The following DACH2 variants were observed in gnomAD, a reference collection of about 807,000 sequenced individuals.
DACH2 encodes the protein dachshund homolog 2.
Under a neutral mutation model 35.8 loss-of-function variants are expected in DACH2, and 17 were observed. That is an observed-to-expected ratio of 0.48 (90% CI 0.33 to 0.71). The LOEUF (loss-of-function observed/expected upper bound fraction) is 0.71. Ranked by LOEUF, DACH2 falls within the 30% of genes least tolerant of loss-of-function variation. The pLI is 0.02. For missense variants in DACH2, 469 were observed against 472.7 expected (o/e 0.99, Z 0.07); for synonymous variants, 195 against 177.3 (o/e 1.10, Z -0.79).
chrX:86,161,820 A>G (rs2030768273), intron 1 of DACH2, among the ~76,000 whole-genome samples: 1 of 111,878 alleles, frequency 8.9e-6, no homozygotes, highest in Non-Finnish European at 1.9e-5. Context: ...TAGAGGACTG[A>G]CAGGTTTTTG....
intron 2 of DACH2, among the ~76,000 whole-genome samples, chrX:86,450,932 A>G (rs2037366280): frequency 9.0e-6 from 1 of 110,808 alleles, no homozygotes; most frequent in Admixed American, 9.7e-5. Context: ...TTTCTTGTAA[A>G]TAATTTGTTT....
intron 5 of DACH2, among the ~76,000 whole-genome samples, chrX:86,713,183 C>A (rs2041298080): frequency 9.0e-6 from 1 of 111,345 alleles, no homozygotes; most frequent in African/African-American, 3.3e-5. Context: ...CTGCTTCTTC[C>A]TTCTAGCTCC....
intron 6 of DACH2, among the ~76,000 whole-genome samples, chrX:86,737,506 A>G (rs995904649): frequency 8.9e-6 from 1 of 112,080 alleles, no homozygotes; most frequent in East Asian, 2.8e-4. Flanking sequence ...ATGCTAAGCA[A>G]TAATGTCAAA....
At chrX:86,781,084 C>T (rs1339486022) in intron 7 of DACH2, among the ~76,000 whole-genome samples, 2 of 111,552 alleles carry the variant, frequency 1.8e-5, no homozygotes, top group Non-Finnish European at 3.8e-5. Flanking sequence ...TTTCAGGGTC[C>T]TATTCTTTTC....
chrX:86,409,813 C>T (rs920909652), intron 2 of DACH2, among the ~76,000 whole-genome samples: 8 of 112,187 alleles, frequency 7.1e-5, no homozygotes, highest in African/African-American at 2.3e-4. Context: ...ATATTTCTCT[C>T]GTAGTTAATC....
At chrX:86,486,088 A>C (rs190721738) in intron 2 of DACH2, among the ~76,000 whole-genome samples, 1 of 110,697 alleles carries the variant, frequency 9.0e-6, no homozygotes, top group African/African-American at 3.3e-5. Context: ...GTTATTATTT[A>C]TTTCCACTGG....
At chrX:86,763,819 A>G (rs752496927) in intron 7 of DACH2, among the ~76,000 whole-genome samples, 12 of 111,901 alleles carry the variant, frequency 1.1e-4, no homozygotes, top group Middle Eastern at 4.6e-3. Context: ...ATTGCTGGTT[A>G]CACAAATATG....
chrX:86,571,053 A>G (rs1364498791), intron 3 of DACH2, among the ~76,000 whole-genome samples: 1 of 111,332 alleles, frequency 9.0e-6, no homozygotes, highest in Non-Finnish European at 1.9e-5. Flanking sequence ...GTTTTCTTAT[A>G]GAAGTTTTAT....
At chrX:86,662,201 C>T (rs1215290712) in intron 4 of DACH2, among the ~76,000 whole-genome samples, 5 of 111,723 alleles carry the variant, frequency 4.5e-5, no homozygotes, top group Non-Finnish European at 9.4e-5. Flanking sequence ...TAACCCTTGG[C>T]TTCTGGTCAC....
chrX:86,356,993 A>G (rs185822730), intron 1 of DACH2, among the ~76,000 whole-genome samples: 1 of 111,098 alleles, frequency 9.0e-6, no homozygotes, highest in African/African-American at 3.3e-5. Flanking sequence ...AGTCCATTGT[A>G]TCACTCTGTA....
intron 1 of DACH2, among the ~76,000 whole-genome samples, chrX:86,282,465 A>G (rs2034049723): frequency 9.0e-6 from 1 of 111,604 alleles, no homozygotes; most frequent in Non-Finnish European, 1.9e-5. Context: ...GAAAAAGGAA[A>G]CTGGTCCCCT....
intron 6 of DACH2, among the ~76,000 whole-genome samples, chrX:86,736,360 A>G (rs1440514197): frequency 9.0e-6 from 1 of 111,509 alleles, no homozygotes; most frequent in African/African-American, 3.2e-5. Context: ...TGTCACTCTT[A>G]ATATTCACCT....
At chrX:86,644,685 C>T (rs1482842563) in intron 3 of DACH2, among the ~76,000 whole-genome samples, 1 of 111,550 alleles carries the variant, frequency 9.0e-6, no homozygotes, top group East Asian at 2.8e-4. Flanking sequence ...CTACAATGAC[C>T]AAAACAGTGT....
intron 2 of DACH2, among the ~76,000 whole-genome samples, chrX:86,397,443 G>A (rs1466432571): frequency 9.0e-6 from 1 of 111,519 alleles, no homozygotes; most frequent in Non-Finnish European, 1.9e-5. Flanking sequence ...TAGGAGTGGT[G>A]AGAGAGGGCA....
chrX:86,501,334 G>A (rs1275075895), intron 2 of DACH2, among the ~76,000 whole-genome samples: 5 of 111,386 alleles, frequency 4.5e-5, no homozygotes, highest in Non-Finnish European at 5.7e-5. Context: ...AGCTGTCAAA[G>A]AGTTTACACT....
intron 4 of DACH2, among the ~76,000 whole-genome samples, chrX:86,664,556 A>C (rs2040644776): frequency 8.9e-6 from 1 of 112,266 alleles, no homozygotes; most frequent in Admixed American, 9.5e-5. Context: ...TTGCATGAAT[A>C]TTTAAGGAAC....
intron 6 of DACH2, among the ~76,000 whole-genome samples, chrX:86,723,333 A>AT (rs1222391132): frequency 3.7e-5 from 1 of 26,805 alleles, no homozygotes; most frequent in Non-Finnish European, 6.6e-5. Flanking sequence ...TCCTTCTGCT[A>AT]ATTTTTTTTT....
At chrX:86,775,499 T>G (rs2042023370) in intron 7 of DACH2, among the ~76,000 whole-genome samples, 1 of 111,577 alleles carries the variant, frequency 9.0e-6, no homozygotes, top group Non-Finnish European at 1.9e-5. Context: ...TGCCTGATGA[T>G]CTGAGGTGAA....
At chrX:86,559,841 C>T (rs1428949867) in intron 3 of DACH2, among the ~76,000 whole-genome samples, 1 of 55,920 alleles carries the variant, frequency 1.8e-5, no homozygotes, top group African/African-American at 1.1e-4. Flanking sequence ...TGTCTCTGCA[C>T]GTGAGATGGG....
Sources: allele counts gnomAD v4.1 joint callset (sites outside exome capture counted in the v4.1 genomes callset), GRCh38; gene constraint gnomAD v4.1.1; transcripts MANE v1.5; gene names NCBI Gene and HGNC (gene_info 2026-07-23, HGNC 2026-07-21).